TMEM167A: variants seen among roughly 807,000 people sequenced by gnomAD.
The protein encoded by TMEM167A is protein kish-A.
TMEM167A carries 8 observed loss-of-function variants against 11.6 expected under a neutral mutation model. The observed-to-expected ratio is 0.69, with a 90% CI of 0.40 to 1.24. The LOEUF (loss-of-function observed/expected upper bound fraction) is 1.24. TMEM167A is among the 50% of genes most tolerant of loss of function. The probability of loss-of-function intolerance (pLI) is 0.01; values close to 1 mark genes in which losing one functional copy is unlikely to be tolerated. For missense variants in TMEM167A, 62 were observed against 87.0 expected, an observed-to-expected ratio of 0.71 and a Z score of 1.14; for synonymous variants, 22 against 28.0, an observed-to-expected ratio of 0.79 and a Z score of 0.67.
intron 1 of TMEM167A, among the ~76,000 whole-genome samples, chr5:83,067,679 A>ATT (rs75444591): frequency 0.044 from 6,373 of 143,634 alleles, 427 homozygotes; most frequent in African/African-American, 0.15. Flanking sequence ...TAAATTTTGT[A>ATT]TTTTTTTTTT....
rs117004320 is a variant in TMEM167A at position 83,063,153 on chromosome 5, C to T, written c.114-1242G>A. Reference sequence around the variant, plus strand: ...TACCATAGAAATAAAATGACAAAGCCCATATACATTCCTGAAAATAAGCTA... The same window carrying T: ...TACCATAGAAATAAAATGACAAAGCTCATATACATTCCTGAAAATAAGCTA... On this transcript the variant is annotated intron_variant, in intron 2 of 3. Coordinates refer to ENST00000502346, the MANE Select transcript of TMEM167A (RefSeq NM_174909.5). 5.2e-4 allele frequency among the ~76,000 whole-genome samples: 79 copies of T among 151,998 alleles called. No individual in the cohort carries two copies. In the East Asian group the frequency reaches 0.013, roughly 25 times the overall value.
chr5:83,064,371 G>C (rs544065052), intron 2 of TMEM167A: 2 of 517,340 alleles, frequency 3.9e-6, no homozygotes, highest in South Asian at 2.8e-5. Flanking sequence ...TTTCGTGATA[G>C]CATAGGGAAA....
intron 1 of TMEM167A, among the ~76,000 whole-genome samples, chr5:83,066,467 T>C (rs1027712427): frequency 2.6e-5 from 4 of 152,092 alleles, no homozygotes; most frequent in South Asian, 4.1e-4. Flanking sequence ...TATAAATCAA[T>C]AGCCTTCATA....
chr5:83,074,099 T>C (rs914970742), intron 1 of TMEM167A, among the ~76,000 whole-genome samples: 2 of 152,232 alleles, frequency 1.3e-5, no homozygotes, highest in African/African-American at 2.4e-5. Context: ...ATCATCAAAA[T>C]ATAAAGTCTT....
At chr5:83,076,546 T>C (rs144184844) in intron 1 of TMEM167A, among the ~76,000 whole-genome samples, 1 of 152,348 alleles carries the variant, frequency 6.6e-6, no homozygotes, top group African/African-American at 2.4e-5. Context: ...AAATGAATTA[T>C]TGCTATATGG....
chr5:83,057,160 GA>G lies in TMEM167A; in HGVS notation c.149-7del. 1 of 1,610,184 alleles carries G rather than the reference GA, an allele frequency of 6.2e-7. No individual in the cohort carries two copies. On this transcript the variant is annotated splice_polypyrimidine_tract_variant and splice_region_variant and intron_variant, in intron 3 of 3. Coordinates refer to ENST00000502346, the MANE Select transcript of TMEM167A (RefSeq NM_174909.5). ...ATAAGGACTCTTCCGTTCACCTGTT[GA>G]AAAAAAGGAGATGTTCATCTTGATT...
intron 3 of TMEM167A, among the ~76,000 whole-genome samples, chr5:83,060,874 GTTAATTGATTCAC>G (rs1744397672): frequency 6.6e-6 from 1 of 151,914 alleles, no homozygotes; most frequent in African/African-American, 2.4e-5. Context: ...TAAAATACAT[GTTAATTGATTCAC>G]TTAATCATTT....
intron 2 of TMEM167A, chr5:83,064,080 C>A: frequency 2.2e-5 from 7 of 315,330 alleles, no homozygotes; most frequent in East Asian, 9.2e-5. Context: ...AGTTATAAAT[C>A]AACATAAAAT....
chr5:83,065,876 G>C (rs568766067), intron 1 of TMEM167A, among the ~76,000 whole-genome samples: 4 of 152,242 alleles, frequency 2.6e-5, no homozygotes, highest in Admixed American at 6.5e-5. Context: ...TCCAGTTAAA[G>C]TAAATGGAGG....
Position 83,053,541 on chromosome 5 carries a change from TTAAATTTC to T in TMEM167A, c.*3535_*3542del, listed in dbSNP as rs1744288470. ...CTTTGCACATACACCAAGGAAGAAT[TTAAATTTC>T]TGCCCTTGAGTAGTTTTGTGTTAGG... On this transcript the variant is annotated 3_prime_UTR_variant, in exon 4 of 4. Transcript: ENST00000502346. 6.6e-6 allele frequency: 1 copy of T among 152,120 alleles called. No homozygotes were observed. The highest frequency in any genetic ancestry group is 2.1e-4 in the South Asian group (1 of 4,826). The allele number at this position is 152,120 out of a possible 1,614,324, so 9.4% of individuals were successfully genotyped here.
intron 3 of TMEM167A, among the ~76,000 whole-genome samples, chr5:83,061,190 T>G (rs1744401617): frequency 6.6e-6 from 1 of 152,202 alleles, no homozygotes; most frequent in Non-Finnish European, 1.5e-5. Flanking sequence ...TATGTTCAGA[T>G]AGCTGCTCAG....
intron 2 of TMEM167A, among the ~76,000 whole-genome samples, chr5:83,062,869 CAA>C (rs1281516439): frequency 7.5e-6 from 1 of 133,192 alleles, no homozygotes; most frequent in Non-Finnish European, 1.5e-5. Flanking sequence ...TTTTTTTTAC[CAA>C]AAGAGATGGC....
intron 1 of TMEM167A, among the ~76,000 whole-genome samples, chr5:83,069,018 A>G (rs1744524939): frequency 6.6e-6 from 1 of 152,208 alleles, no homozygotes. Flanking sequence ...ATAAAAAGGC[A>G]CTTAAAAACA....
At chr5:83,063,899 AT>A (rs1744442107) in intron 2 of TMEM167A, among the ~76,000 whole-genome samples, 1 of 133,954 alleles carries the variant, frequency 7.5e-6, no homozygotes, top group Non-Finnish European at 1.8e-5. Context: ...AACTGAAGTT[AT>A]TTTAAACAGT....
At chr5:83,062,781 G>A (rs1436959033) in intron 2 of TMEM167A, among the ~76,000 whole-genome samples, 1 of 151,142 alleles carries the variant, frequency 6.6e-6, no homozygotes, top group Non-Finnish European at 1.5e-5. Flanking sequence ...TTAATATTAT[G>A]TTACGTAAAT....
chr5:83,061,305 C>A (rs903723411), intron 3 of TMEM167A, among the ~76,000 whole-genome samples: 1 of 152,172 alleles, frequency 6.6e-6, no homozygotes, highest in Non-Finnish European at 1.5e-5. Flanking sequence ...GTGCATAAAA[C>A]CACATACATT....
At chr5:83,068,889 C>G (rs1744521503) in intron 1 of TMEM167A, among the ~76,000 whole-genome samples, 1 of 152,064 alleles carries the variant, frequency 6.6e-6, no homozygotes, top group African/African-American at 2.4e-5. Flanking sequence ...GGATTGGTTT[C>G]TAAATAATCC....
chr5:83,063,703 G>GCACACA (rs112611185), intron 2 of TMEM167A, among the ~76,000 whole-genome samples: 2 of 149,634 alleles, frequency 1.3e-5, no homozygotes, highest in Admixed American at 6.7e-5. Context: ...ACTTACACAT[G>GCACACA]CACACACACA....
intron 2 of TMEM167A, among the ~76,000 whole-genome samples, chr5:83,063,915 T>C (rs1283710816): frequency 6.6e-6 from 1 of 151,910 alleles, no homozygotes; most frequent in Non-Finnish European, 1.5e-5. Context: ...AACAGTGAAG[T>C]CATCAAGAAC....
Sources: allele counts gnomAD v4.1 joint callset (sites outside exome capture counted in the v4.1 genomes callset), GRCh38; gene constraint gnomAD v4.1.1; transcripts MANE v1.5; gene names NCBI Gene and HGNC (gene_info 2026-07-23, HGNC 2026-07-21).